CSTF3: variants seen among roughly 807,000 people sequenced by gnomAD.
CSTF3 encodes the protein CF-1 77 kDa subunit.
CSTF3 carries 29 observed loss-of-function variants against 105.8 expected under a neutral mutation model. The observed-to-expected ratio is 0.27, with a 90% CI of 0.20 to 0.37. CSTF3 has a LOEUF of 0.37. CSTF3 is among the 10% of genes least tolerant of loss of function. The pLI is 1.00. For missense variants in CSTF3, 357 were observed against 879.3 expected (o/e 0.41, Z 7.51); for synonymous variants, 252 against 281.9 (o/e 0.89, Z 1.06).
chr11:33,103,896 C>T (rs1265691552), intron 8 of CSTF3, among the ~76,000 whole-genome samples: 1 of 152,100 alleles, frequency 6.6e-6, no homozygotes, highest in Non-Finnish European at 1.5e-5. Context: ...TGCAGTGGTG[C>T]CATCCTAACT....
At chr11:33,145,264 C>T (rs374604712) in intron 1 of CSTF3, among the ~76,000 whole-genome samples, 15 of 151,588 alleles carry the variant, frequency 9.9e-5, no homozygotes, top group African/African-American at 1.9e-4. Flanking sequence ...GGCGAAACCC[C>T]GTCTCTACAA....
At position 33,084,968 on chromosome 11, in the gene CSTF3, C is replaced by T. The variant is rs1388626178; in HGVS notation, c.*119G>A. 8 of 1,054,394 alleles carry T rather than the reference C, an allele frequency of 7.6e-6. No individual in the cohort carries two copies. The highest frequency in any genetic ancestry group is 2.0e-5 in the Admixed American group (1 of 49,658). The allele number at this position is 1,054,394 out of a possible 1,614,324, so 65.3% of individuals were successfully genotyped here. A position where few individuals can be genotyped will look rare whatever the true frequency, so the allele number is the denominator to read the frequency against. On this transcript the variant is annotated 3_prime_UTR_variant, in exon 21 of 21. Transcript: ENST00000323959. Reference sequence around the variant, plus strand: ...TCTCAAGAACCATGTGATAGAGGCACCAATGACAATACAACTTTGTTTCCA... The same window carrying T: ...TCTCAAGAACCATGTGATAGAGGCATCAATGACAATACAACTTTGTTTCCA...
At chr11:33,150,700 G>T (rs1855849204) in intron 1 of CSTF3, among the ~76,000 whole-genome samples, 1 of 151,536 alleles carries the variant, frequency 6.6e-6, no homozygotes, top group South Asian at 2.1e-4. Flanking sequence ...TACAAAAAAC[G>T]CAAAAATTAG....
chr11:33,148,396 C>G (rs922362650), intron 1 of CSTF3, among the ~76,000 whole-genome samples: 1 of 152,096 alleles, frequency 6.6e-6, no homozygotes, highest in African/African-American at 2.4e-5. Flanking sequence ...TATAGCAGTC[C>G]TAGTTGAAAA....
intron 17 of CSTF3, among the ~76,000 whole-genome samples, chr11:33,088,254 T>A (rs1222434801): frequency 3.9e-5 from 6 of 152,004 alleles, no homozygotes; most frequent in African/African-American, 1.5e-4. Context: ...AAACATCATA[T>A]TCAGGAAGTA....
chr11:33,133,804 A>G (rs966472621), intron 3 of CSTF3, among the ~76,000 whole-genome samples: 3 of 152,206 alleles, frequency 2.0e-5, no homozygotes, highest in African/African-American at 7.2e-5. Flanking sequence ...AGCAAGACTC[A>G]AAAACAAAAC....
intron 3 of CSTF3, among the ~76,000 whole-genome samples, chr11:33,111,835 G>A (rs542344877): frequency 1.3e-5 from 2 of 152,158 alleles, no homozygotes; most frequent in East Asian, 3.8e-4. Flanking sequence ...GCCACTGATT[G>A]TCATTCATTA....
At chr11:33,154,871 G>A (rs563538903) in intron 1 of CSTF3, among the ~76,000 whole-genome samples, 30 of 152,158 alleles carry the variant, frequency 2.0e-4, no homozygotes, top group African/African-American at 7.2e-4. Flanking sequence ...TATGTGACAG[G>A]TGTCACAATG....
At chr11:33,156,729 G>A (rs1283658816) in intron 1 of CSTF3, 5 of 453,976 alleles carry the variant, frequency 1.1e-5, no homozygotes, top group South Asian at 7.8e-5. Flanking sequence ...CAGTTTGGAA[G>A]GCTGAGGCAG....
At chr11:33,111,046 G>A (rs1855374169) in intron 3 of CSTF3, among the ~76,000 whole-genome samples, 1 of 151,950 alleles carries the variant, frequency 6.6e-6, no homozygotes, top group Non-Finnish European at 1.5e-5. Context: ...CTGGCCAACA[G>A]AGTGAAACCC....
At position 33,161,277 on chromosome 11, in the gene CSTF3, C is replaced by T. The variant is rs1332114235; in HGVS notation, c.27+22G>A. 3.7e-6 allele frequency: 6 copies of T among 1,612,826 alleles called. No individual in the cohort carries two copies. The East Asian group carries it at 1.3e-4, about 36-fold the overall frequency. ...ACGTGGAGAAGAGGTCGCCACGAGG[C>T]CCCACCACTCTCCTTCCTCACCTGC... On this transcript the variant is annotated intron_variant, in intron 1 of 20. Coordinates refer to ENST00000323959, the MANE Select transcript of CSTF3 (RefSeq NM_001326.3).
chr11:33,131,634 CAGG>C (rs1385741834), intron 3 of CSTF3, among the ~76,000 whole-genome samples: 1 of 151,834 alleles, frequency 6.6e-6, no homozygotes, highest in South Asian at 2.1e-4. Context: ...ATCACGAGGT[CAGG>C]AGATCGAGAC....
At chr11:33,133,726 C>T (rs983288166) in intron 3 of CSTF3, among the ~76,000 whole-genome samples, 5 of 152,114 alleles carry the variant, frequency 3.3e-5, no homozygotes, top group African/African-American at 1.2e-4. Context: ...ACACTTGTCC[C>T]AGCTATTCAG....
chr11:33,119,046 T>A (rs1055059337), intron 3 of CSTF3, among the ~76,000 whole-genome samples: 1 of 147,182 alleles, frequency 6.8e-6, no homozygotes, highest in African/African-American at 2.4e-5. Context: ...TAATCTTCCA[T>A]TAGTCACATG....
At chr11:33,135,134 G>C (rs1048707811) in intron 3 of CSTF3, among the ~76,000 whole-genome samples, 1 of 152,010 alleles carries the variant, frequency 6.6e-6, no homozygotes, top group African/African-American at 2.4e-5. Flanking sequence ...TTTTAAAAAA[G>C]TTTATGCAAC....
intron 1 of CSTF3, among the ~76,000 whole-genome samples, chr11:33,145,791 A>AT (rs1855774609): frequency 6.6e-6 from 1 of 152,094 alleles, no homozygotes; most frequent in Non-Finnish European, 1.5e-5. Context: ...TCCAGCCTGC[A>AT]TGACAGAGCA....
At chr11:33,153,411 T>C (rs1443228519) in intron 1 of CSTF3, among the ~76,000 whole-genome samples, 1 of 152,076 alleles carries the variant, frequency 6.6e-6, no homozygotes, top group African/African-American at 2.4e-5. Flanking sequence ...TAACTTTTAT[T>C]AGGAGGTTGT....
At chr11:33,111,619 A>T (rs1225424544) in intron 3 of CSTF3, among the ~76,000 whole-genome samples, 1 of 152,208 alleles carries the variant, frequency 6.6e-6, no homozygotes, top group African/African-American at 2.4e-5. Flanking sequence ...AGACTTTACT[A>T]TCATCTATGC....
intron 17 of CSTF3, among the ~76,000 whole-genome samples, chr11:33,087,875 C>T (rs1411873861): frequency 1.3e-5 from 2 of 152,214 alleles, no homozygotes; most frequent in African/African-American, 4.8e-5. Context: ...TAGCATTGCC[C>T]TGCCAGGGCT....
Sources: gnomAD v4.1 joint callset for allele counts (sites outside exome capture counted in the v4.1 genomes callset) on GRCh38, gnomAD v4.1.1 for gene constraint, MANE v1.5 for transcripts, NCBI Gene and HGNC (gene_info 2026-07-23, HGNC 2026-07-21) for gene names.